Variants in QTMAN observed in about 807,000 individuals in gnomAD.
QTMAN encodes queuosine-tRNA mannosyltransferase.
chr2:144,217,308 A>T, the QTMAN span, among the ~76,000 whole-genome samples: 1 of 152,144 alleles, frequency 6.6e-6, no homozygotes, highest in African/African-American at 2.4e-5. Flanking sequence ...CCAACTCCAT[A>T]TTCACATGGC....
At chr2:144,071,688 C>T in the QTMAN span, among the ~76,000 whole-genome samples, 8 of 152,040 alleles carry the variant, frequency 5.3e-5, no homozygotes, top group South Asian at 2.1e-4. Flanking sequence ...ATGAAAGGCC[C>T]AACATCTTCT....
At chr2:144,071,614 C>T in the QTMAN span, among the ~76,000 whole-genome samples, 1 of 152,128 alleles carries the variant, frequency 6.6e-6, no homozygotes, top group Non-Finnish European at 1.5e-5. Flanking sequence ...AAAACCTACA[C>T]ATCTGAGATG....
the QTMAN span, among the ~76,000 whole-genome samples, chr2:144,264,463 G>A: frequency 6.6e-6 from 1 of 152,110 alleles, no homozygotes; most frequent in Admixed American, 6.5e-5. Flanking sequence ...TTGGTCCCAA[G>A]TAACTGAAAA....
chr2:144,090,436 G>A, the QTMAN span, among the ~76,000 whole-genome samples: 1 of 151,812 alleles, frequency 6.6e-6, no homozygotes, highest in Non-Finnish European at 1.5e-5. Context: ...TTTCTATTTT[G>A]GCATGACATT....
At chr2:144,182,400 G>T in the QTMAN span, among the ~76,000 whole-genome samples, 1 of 152,010 alleles carries the variant, frequency 6.6e-6, no homozygotes, top group East Asian at 1.9e-4. Flanking sequence ...CAGCACTTTG[G>T]GAGGCCGAAG....
chr2:143,983,574 G>C, the QTMAN span, among the ~76,000 whole-genome samples: 2 of 146,268 alleles, frequency 1.4e-5, no homozygotes, highest in African/African-American at 5.1e-5. Flanking sequence ...CCGGGTTCAC[G>C]CCATTCTCCT....
At chr2:144,206,715 G>A in the QTMAN span, among the ~76,000 whole-genome samples, 1 of 152,104 alleles carries the variant, frequency 6.6e-6, no homozygotes, top group Non-Finnish European at 1.5e-5. Context: ...CAAATGCTGT[G>A]ACACTTACCC....
At chr2:144,146,497 C>A in the QTMAN span, among the ~76,000 whole-genome samples, 3 of 151,568 alleles carry the variant, frequency 2.0e-5, no homozygotes, top group Non-Finnish European at 2.9e-5. Flanking sequence ...TCTCTCATTC[C>A]ACATACATTT....
At chr2:144,013,681 T>C in the QTMAN span, among the ~76,000 whole-genome samples, 1 of 151,978 alleles carries the variant, frequency 6.6e-6, no homozygotes, top group Non-Finnish European at 1.5e-5. Context: ...AGAAACCAAA[T>C]TGAGGAGAAG....
At chr2:144,201,448 A>G in the QTMAN span, among the ~76,000 whole-genome samples, 8 of 152,222 alleles carry the variant, frequency 5.3e-5, no homozygotes, top group Admixed American at 6.5e-5. Flanking sequence ...GATTGCGTGG[A>G]CCACAGCAAC....
chr2:144,109,866 G>A, the QTMAN span, among the ~76,000 whole-genome samples: 8 of 152,190 alleles, frequency 5.3e-5, no homozygotes, highest in Non-Finnish European at 1.2e-4. Flanking sequence ...AGTTAGAATG[G>A]TGATCATTAA....
chr2:143,980,525 G>A, the QTMAN span, among the ~76,000 whole-genome samples: 3 of 152,160 alleles, frequency 2.0e-5, no homozygotes, highest in Non-Finnish European at 4.4e-5. Context: ...TCAAGTCTCT[G>A]TGGGTCTCAT....
At chr2:144,269,306 C>T in the QTMAN span, among the ~76,000 whole-genome samples, 1 of 151,876 alleles carries the variant, frequency 6.6e-6, no homozygotes, top group Non-Finnish European at 1.5e-5. Flanking sequence ...GTAAAACTCC[C>T]CCAAGAATCT....
At chr2:144,256,908 GT>G in the QTMAN span, among the ~76,000 whole-genome samples, 14 of 151,884 alleles carry the variant, frequency 9.2e-5, no homozygotes, top group Admixed American at 1.3e-4. Flanking sequence ...GAGTTGCCAA[GT>G]TGTAAATACA....
chr2:143,983,130 A>C, the QTMAN span, among the ~76,000 whole-genome samples: 2 of 152,170 alleles, frequency 1.3e-5, no homozygotes, highest in African/African-American at 4.8e-5. Context: ...TAGTTCTCAT[A>C]TTTAGTATCT....
chr2:144,004,478 T>C, the QTMAN span, among the ~76,000 whole-genome samples: 1 of 151,970 alleles, frequency 6.6e-6, no homozygotes, highest in Non-Finnish European at 1.5e-5. Context: ...TATGAGCAAA[T>C]TTACATAAAT....
the QTMAN span, among the ~76,000 whole-genome samples, chr2:144,225,060 C>G: frequency 6.6e-6 from 1 of 152,204 alleles, no homozygotes; most frequent in African/African-American, 2.4e-5. Context: ...TCTCCTTTTG[C>G]TTCCTTCTAG....
At chr2:144,159,942 T>C in the QTMAN span, among the ~76,000 whole-genome samples, 1 of 151,930 alleles carries the variant, frequency 6.6e-6, no homozygotes, top group Non-Finnish European at 1.5e-5. Context: ...GCTATATTTT[T>C]TTAGGAGTAG....
the QTMAN span, among the ~76,000 whole-genome samples, chr2:144,143,577 G>A: frequency 1.3e-5 from 2 of 151,924 alleles, no homozygotes; most frequent in African/African-American, 2.4e-5. Flanking sequence ...GCTACCTAGT[G>A]CAAATTTGGG....
Sources: allele counts gnomAD v4.1 joint callset (sites outside exome capture counted in the v4.1 genomes callset), GRCh38; gene constraint gnomAD v4.1.1; transcripts MANE v1.5; gene names NCBI Gene and HGNC (gene_info 2026-07-23, HGNC 2026-07-21).